Variants in GRM7 observed in about 807,000 individuals in gnomAD.
The protein encoded by GRM7 is glutamate metabotropic receptor 7, also known as metabotropic glutamate receptor 7.
In GRM7, 35 loss-of-function variants were observed where a neutral mutation model predicts 84.5. The ratio of observed to expected loss-of-function variants is 0.41; its 90% CI spans 0.32 to 0.55. GRM7 has a LOEUF of 0.55. GRM7 is among the 20% of genes least tolerant of loss of function. The pLI, the probability that GRM7 is intolerant of heterozygous loss-of-function variation, is 0.19. For synonymous variants in GRM7, 487 were observed against 455.1 expected, an observed-to-expected ratio of 1.07 and a Z score of -0.89; for missense variants, 1,003 against 1,194.6, an observed-to-expected ratio of 0.84 and a Z score of 2.36.
chr3:7,309,811 G>A (rs1700328993), intron 4 of GRM7, among the ~76,000 whole-genome samples: 1 of 152,142 alleles, frequency 6.6e-6, no homozygotes, highest in South Asian at 2.1e-4. Context: ...AAAGGAGCCA[G>A]TTTCCTGGAG....
chr3:7,504,425 C>T (rs946978795), intron 7 of GRM7, among the ~76,000 whole-genome samples: 1 of 152,166 alleles, frequency 6.6e-6, no homozygotes, highest in African/African-American at 2.4e-5. Flanking sequence ...CCTCTATCAA[C>T]ATATATCTTA....
rs1469104727 is a variant in GRM7, at chr3:7,188,977, A to G, written c.736+42309A>G. 6.6e-6 allele frequency among the ~76,000 whole-genome samples: 1 copy of G among 152,168 alleles called. No homozygotes were observed. Among genetic ancestry groups the G allele is most frequent in the African/African-American group, 2.4e-5 (1 of 41,446 alleles). ...CTCATCTAGGAACAAAGAGCCTAGGAGCTGTACTTTCTGAGTGAGTGGTCT... is the reference window on the plus strand; with the variant it reads ...CTCATCTAGGAACAAAGAGCCTAGGGGCTGTACTTTCTGAGTGAGTGGTCT... On this transcript the variant is annotated intron_variant, in intron 2 of 9. Coordinates refer to ENST00000357716, the MANE Select transcript of GRM7 (RefSeq NM_000844.4). This position sits in a 1 kb window ranked among gnomAD's most constrained non-coding sequence, Gnocchi z 4.2.
rs182241464 is a variant in GRM7 at position 7,539,581 on chromosome 3, C to G, written c.1516-38841C>G. On this transcript the variant is annotated intron_variant, in intron 7 of 9. Transcript: ENST00000357716. ...ATCCCAGCTACTCAGGAAGCTGAGG[C>G]AGGGAATTGCTTGAACCTGGGAGGT... is the stretch of plus-strand genomic sequence containing the variant. Among the ~76,000 whole-genome samples the G allele has an allele frequency of 5.7e-3, 854 of 149,588 alleles. 3 individuals carry two copies. The highest frequency in any genetic ancestry group is 9.2e-3 in the Non-Finnish European group (625 of 67,764).
intron 2 of GRM7, among the ~76,000 whole-genome samples, chr3:7,192,443 C>A (rs1344899967): frequency 2.0e-5 from 3 of 152,088 alleles, no homozygotes; most frequent in Non-Finnish European, 4.4e-5. Flanking sequence ...CTGCACTCCC[C>A]CAGAAGTTGG....
chr3:7,039,916 C>T (rs981562363), intron 1 of GRM7, among the ~76,000 whole-genome samples: 2 of 152,048 alleles, frequency 1.3e-5, no homozygotes, highest in African/African-American at 4.8e-5. Context: ...TAAAACAAAA[C>T]GAAGGCATTT....
intron 4 of GRM7, among the ~76,000 whole-genome samples, chr3:7,323,208 T>A (rs1700854469): frequency 6.6e-6 from 1 of 152,172 alleles, no homozygotes; most frequent in South Asian, 2.1e-4. Flanking sequence ...AGTCAGCTCC[T>A]GTTCAGCCAA....
intron 4 of GRM7, among the ~76,000 whole-genome samples, chr3:7,401,734 ATC>A (rs147559519): frequency 2.0e-5 from 3 of 152,274 alleles, no homozygotes; most frequent in African/African-American, 7.2e-5. Context: ...CCATCATTGC[ATC>A]TCTCTAACTT....
At chr3:7,439,640 GT>G (rs1251835480) in intron 5 of GRM7, among the ~76,000 whole-genome samples, 1 of 152,112 alleles carries the variant, frequency 6.6e-6, no homozygotes, top group Non-Finnish European at 1.5e-5. Context: ...ATTCTTTGTT[GT>G]TTTGCACAGG....
At chr3:6,864,685 G>A (rs954007236) in intron 1 of GRM7, among the ~76,000 whole-genome samples, 2 of 152,108 alleles carry the variant, frequency 1.3e-5, no homozygotes, top group Admixed American at 6.5e-5. Context: ...TGAGATATAC[G>A]TTTATAGTGA....
intron 2 of GRM7, among the ~76,000 whole-genome samples, chr3:7,184,143 A>T (rs6784192): frequency 0.25 from 38,304 of 152,006 alleles, 5,577 homozygotes; most frequent in Non-Finnish European, 0.34. Flanking sequence ...GAATGAGAAG[A>T]CTAGAGAGAG....
At chr3:7,062,259 G>A (rs942346448) in intron 1 of GRM7, among the ~76,000 whole-genome samples, 1 of 151,528 alleles carries the variant, frequency 6.6e-6, no homozygotes, top group African/African-American at 2.4e-5. Context: ...AGTAGTGAAT[G>A]GAACGGATAA....
At chr3:7,317,809 T>C (rs1481334624) in intron 4 of GRM7, among the ~76,000 whole-genome samples, 2 of 151,684 alleles carry the variant, frequency 1.3e-5, no homozygotes, top group Admixed American at 1.3e-4. Context: ...CTTGAAAGAC[T>C]GCTGTCAAGA....
chr3:7,036,429 G>A (rs1335604710), intron 1 of GRM7, among the ~76,000 whole-genome samples: 1 of 152,098 alleles, frequency 6.6e-6, no homozygotes, highest in East Asian at 1.9e-4. Flanking sequence ...TTTTGAAAAT[G>A]GAGAAAGATA....
At chr3:7,560,052 A>G (rs207462984) in intron 7 of GRM7, among the ~76,000 whole-genome samples, 1 of 152,032 alleles carries the variant, frequency 6.6e-6, no homozygotes, top group Non-Finnish European at 1.5e-5. Context: ...ATTTAACCTT[A>G]TGACTTTGCG....
chr3:7,615,236 G>T (rs779377650), intron 8 of GRM7, among the ~76,000 whole-genome samples: 1 of 151,632 alleles, frequency 6.6e-6, no homozygotes, highest in African/African-American at 2.4e-5. Context: ...AAATCTGTGT[G>T]TCACTGTCTT....
intron 8 of GRM7, among the ~76,000 whole-genome samples, chr3:7,656,738 T>C (rs1699221062): frequency 6.6e-6 from 1 of 152,066 alleles, no homozygotes; most frequent in South Asian, 2.1e-4. Context: ...CTCAGGAATG[T>C]CACTTGAAAA....
At chr3:7,306,290 T>C (rs1177015436) in intron 3 of GRM7, among the ~76,000 whole-genome samples, 1 of 152,214 alleles carries the variant, frequency 6.6e-6, no homozygotes, top group Non-Finnish European at 1.5e-5. Context: ...ACAATTACTA[T>C]TACTTGCTCT....
intron 7 of GRM7, among the ~76,000 whole-genome samples, chr3:7,523,056 A>G (rs1700658608): frequency 6.6e-6 from 1 of 152,164 alleles, no homozygotes; most frequent in South Asian, 2.1e-4. Flanking sequence ...CAGCCTTCAG[A>G]TCTAGGAAAA....
chr3:6,890,325 G>A (rs956456328), intron 1 of GRM7, among the ~76,000 whole-genome samples: 8 of 152,086 alleles, frequency 5.3e-5, no homozygotes, highest in Non-Finnish European at 8.8e-5. Flanking sequence ...TGTGATGTTA[G>A]GGTGTCAATT....
Sources: allele counts gnomAD v4.1 joint callset (sites outside exome capture counted in the v4.1 genomes callset), GRCh38; gene constraint gnomAD v4.1.1; non-coding constraint Gnocchi (gnomAD v3.1); transcripts MANE v1.5; gene names NCBI Gene and HGNC (gene_info 2026-07-23, HGNC 2026-07-21).